SH3KBP1: variants seen among roughly 807,000 people sequenced by gnomAD.
SH3KBP1 encodes the protein SH3 domain containing kinase binding protein 1, also known as SH3 domain-containing kinase-binding protein 1.
Under a neutral mutation model 50.1 loss-of-function variants are expected in SH3KBP1, and 8 were observed. The ratio of observed to expected loss-of-function variants is 0.16; its 90% confidence interval spans 0.09 to 0.29. The LOEUF is 0.29. Among genes scored for constraint, SH3KBP1 ranks in the 10% least tolerant of loss-of-function variants. The pLI, the probability that SH3KBP1 is intolerant of heterozygous loss-of-function variation, is 1.00. For synonymous variants in SH3KBP1, 227 were observed against 218.6 expected, an observed-to-expected ratio of 1.04 and a Z score of -0.34; for missense variants, 377 against 535.2, an observed-to-expected ratio of 0.70 and a Z score of 2.92.
chrX:19,768,862 C>G (rs187535960), intron 2 of SH3KBP1, among the ~76,000 whole-genome samples: 25 of 108,771 alleles, frequency 2.3e-4, no homozygotes, highest in Non-Finnish European at 4.4e-4. Flanking sequence ...GTTGAAAAGA[C>G]AGAACTGACA....
chrX:19,847,729 G>A (rs1227553933), intron 1 of SH3KBP1, among the ~76,000 whole-genome samples: 1 of 112,005 alleles, frequency 8.9e-6, no homozygotes. Flanking sequence ...AACTACCAAC[G>A]TTTGTAAGTC....
chrX:19,832,521 C>T (rs1042445713), intron 2 of SH3KBP1, among the ~76,000 whole-genome samples: 3 of 111,299 alleles, frequency 2.7e-5, no homozygotes, highest in East Asian at 2.8e-4. Context: ...AGCCCCCAGA[C>T]CTGAAGGAAT....
chrX:19,680,380 CAAA>C (rs763413288), intron 6 of SH3KBP1, among the ~76,000 whole-genome samples: 1 of 37,777 alleles, frequency 2.6e-5, no homozygotes. Flanking sequence ...ACTCTTGTTT[CAAA>C]AAAAAAAAAA....
At chrX:19,754,808 CT>C (rs757872469) in intron 2 of SH3KBP1, among the ~76,000 whole-genome samples, 1 of 111,656 alleles carries the variant, frequency 9.0e-6, no homozygotes, top group South Asian at 3.8e-4. Flanking sequence ...AACTTCTCAC[CT>C]TAAAAGATGC....
chrX:19,845,457 G>A (rs1369126176), intron 1 of SH3KBP1, among the ~76,000 whole-genome samples: 2 of 108,361 alleles, frequency 1.8e-5, no homozygotes, highest in African/African-American at 3.4e-5. Flanking sequence ...CAGCCTGGGC[G>A]ACACAGCAAG....
chrX:19,795,482 G>A (rs974825664), intron 2 of SH3KBP1, among the ~76,000 whole-genome samples: 6 of 111,228 alleles, frequency 5.4e-5, no homozygotes, highest in African/African-American at 2.0e-4. Flanking sequence ...ACTCAACTAC[G>A]GGGCCTTGCC....
chrX:19,874,068 A>AAAAAAAAAAAAAT (rs1491537486), intron 1 of SH3KBP1, among the ~76,000 whole-genome samples: 13 of 57,033 alleles, frequency 2.3e-4, no homozygotes, highest in African/African-American at 1.6e-3. Context: ...AAAAAAAAAA[A>AAAAAAAAAAAAAT]ATATATATAT....
chrX:19,562,199 G>T (rs912921429), intron 13 of SH3KBP1, among the ~76,000 whole-genome samples: 1 of 111,668 alleles, frequency 9.0e-6, no homozygotes, highest in Non-Finnish European at 1.9e-5. Context: ...ATAAAATGTC[G>T]TGTGTCCATA....
chrX:19,783,859 G>C (rs1197268076), intron 2 of SH3KBP1, among the ~76,000 whole-genome samples: 1 of 111,751 alleles, frequency 8.9e-6, no homozygotes, highest in East Asian at 2.8e-4. Flanking sequence ...TTTATTCCAA[G>C]TACATCATGC....
rs554999231 is a variant in SH3KBP1, at chrX:19,725,609, C to G, written c.287-18625G>C. ...TCCCATCTGCCACTCCACCACAGAC[C>G]ACCAGACGTGGGTCAGCTCCCACCA... On this transcript the variant is annotated intron_variant, in intron 3 of 17. Coordinates refer to ENST00000397821, the MANE Select transcript of SH3KBP1 (RefSeq NM_031892.3). 1.2e-4 allele frequency among the ~76,000 whole-genome samples: 13 copies of G among 112,175 alleles called. No homozygotes were observed. In the South Asian group the frequency reaches 4.8e-3, roughly 42 times the overall value.
chrX:19,691,358 A>C (rs200102834), intron 5 of SH3KBP1, among the ~76,000 whole-genome samples: 1,724 of 93,478 alleles, frequency 0.018, 19 homozygotes, highest in East Asian at 0.054. Context: ...CTCTCTCTCT[A>C]TATATATATA....
At chrX:19,567,547 A>AT (rs1569292993) in intron 13 of SH3KBP1, among the ~76,000 whole-genome samples, 1 of 73,499 alleles carries the variant, frequency 1.4e-5, no homozygotes, top group African/African-American at 7.0e-5. Context: ...AAAAAAAAAA[A>AT]AAAAAAAAAA....
At chrX:19,863,717 C>A (rs904745534) in intron 1 of SH3KBP1, among the ~76,000 whole-genome samples, 1 of 111,276 alleles carries the variant, frequency 9.0e-6, no homozygotes, top group Non-Finnish European at 1.9e-5. Flanking sequence ...CCAACACCCC[C>A]CAACCTCCCT....
At chrX:19,570,139 G>A (rs2065965092) in intron 12 of SH3KBP1, among the ~76,000 whole-genome samples, 1 of 111,923 alleles carries the variant, frequency 8.9e-6, no homozygotes, top group Non-Finnish European at 1.9e-5. Flanking sequence ...TTGTGCTGTG[G>A]GTATTCAGAG....
At chrX:19,668,974 A>ATATATATATATATATATT (rs1491195501) in intron 6 of SH3KBP1, among the ~76,000 whole-genome samples, 1 of 63,895 alleles carries the variant, frequency 1.6e-5, no homozygotes, top group Non-Finnish European at 3.0e-5. Context: ...ATATATATAT[A>ATATATATATATATATATT]TTTTTTGAGA....
At chrX:19,792,759 C>T (rs753997953) in intron 2 of SH3KBP1, among the ~76,000 whole-genome samples, 6 of 57,382 alleles carry the variant, frequency 1.0e-4, no homozygotes, top group Admixed American at 2.6e-4. Flanking sequence ...TTTGTTGTCA[C>T]GACTTGGAGG....
intron 13 of SH3KBP1, among the ~76,000 whole-genome samples, chrX:19,553,656 G>C (rs1347860275): frequency 9.4e-6 from 1 of 105,831 alleles, no homozygotes; most frequent in Non-Finnish European, 1.9e-5. Context: ...AGAGAAGGCA[G>C]AATGGCCCAT....
At chrX:19,694,990 C>T in intron 5 of SH3KBP1, 2 of 1,195,911 alleles carry the variant, frequency 1.7e-6, no homozygotes, top group Non-Finnish European at 2.3e-6. Flanking sequence ...TTTCCCGGTC[C>T]TGACCTTTTG....
intron 8 of SH3KBP1, among the ~76,000 whole-genome samples, chrX:19,625,441 G>A (rs890818808): frequency 4.5e-5 from 5 of 110,870 alleles, no homozygotes; most frequent in African/African-American, 1.6e-4. Context: ...GAAGAAAGCA[G>A]TTGGGGAGGC....
Sources: allele counts gnomAD v4.1 joint callset (sites outside exome capture counted in the v4.1 genomes callset), GRCh38; gene constraint gnomAD v4.1.1; transcripts MANE v1.5; gene names NCBI Gene and HGNC (gene_info 2026-07-23, HGNC 2026-07-21).